The following SNX6 variants were observed in gnomAD, a reference collection of about 807,000 sequenced individuals.
The protein encoded by SNX6 is sorting nexin-6.
Under a neutral mutation model 63.0 loss-of-function variants are expected in SNX6, and 34 were observed. The ratio of observed to expected loss-of-function variants is 0.54; its 90% confidence interval spans 0.41 to 0.72. SNX6 has a LOEUF of 0.72. Ranked by LOEUF, SNX6 falls within the 30% of genes least tolerant of loss-of-function variation. The probability of loss-of-function intolerance (pLI) is 0.00; values close to 1 mark genes in which losing one functional copy is unlikely to be tolerated. For missense variants in SNX6, 398 were observed against 471.4 expected (o/e 0.84, Z 1.44); for synonymous variants, 170 against 164.2 (o/e 1.04, Z -0.27).
At chr14:34,626,771 C>T (rs1883844729) in intron 2 of SNX6, among the ~76,000 whole-genome samples, 1 of 151,760 alleles carries the variant, frequency 6.6e-6, no homozygotes, top group East Asian at 1.9e-4. Flanking sequence ...AAATATTCAC[C>T]AAAAAATACT....
At chr14:34,578,937 C>CAAAAAAAA (rs71121210) in intron 10 of SNX6, among the ~76,000 whole-genome samples, 230 of 22,560 alleles carry the variant, frequency 0.01, 30 homozygotes, top group East Asian at 0.033. Context: ...GACTTCATCT[C>CAAAAAAAA]AAAAAAAAAA....
intron 13 of SNX6, 87 bp downstream of exon 13, chr14:34,567,599 C>A (rs899579684): frequency 9.9e-7 from 1 of 1,015,018 alleles, no homozygotes; most frequent in Non-Finnish European, 1.5e-6. Flanking sequence ...CCTATGAGAA[C>A]TGACATTAAA....
At chr14:34,581,246 C>T (rs1426921331) in intron 10 of SNX6, among the ~76,000 whole-genome samples, 1 of 152,120 alleles carries the variant, frequency 6.6e-6, no homozygotes, top group African/African-American at 2.4e-5. Flanking sequence ...GTTGGCCTCC[C>T]GGGTTCAAGC....
chr14:34,613,729 C>G (rs1363038021), intron 2 of SNX6, among the ~76,000 whole-genome samples: 1 of 151,842 alleles, frequency 6.6e-6, no homozygotes, highest in African/African-American at 2.4e-5. Flanking sequence ...GGAGGCAGAG[C>G]TTGCAGTGAG....
In SNX6 at chr14:34,575,815, C is replaced by A; in HGVS notation, c.862G>T (p.Glu288Ter). The A allele has an allele frequency of 6.3e-7, 1 of 1,592,354 alleles. No homozygotes were observed. The highest frequency in any genetic ancestry group is 1.2e-5 in the South Asian group (1 of 86,824). The change falls in exon 11 of 14, where the codon GAA becomes TAA. Residue 288 changes from glutamate (E) to a stop codon, truncating the protein, a stop_gained. Transcript: ENST00000362031. LOFTEE classifies it high-confidence loss of function. ...AAAAGATCAGAAAGTTTGAGGTCTT[C>A]ATCAGCAGACACTCGTGCTTCTATT... ...RKIEARVSAD[E>*]DLKLSDLLKY...
At chr14:34,597,415 C>T in intron 7 of SNX6, 135 bp downstream of exon 7, 3 of 615,282 alleles carry the variant, frequency 4.9e-6, no homozygotes, top group Non-Finnish European at 8.6e-6. Flanking sequence ...CAGGAGGATT[C>T]CTCCTGTTCC....
intron 10 of SNX6, among the ~76,000 whole-genome samples, chr14:34,578,765 C>T (rs1393396602): frequency 6.7e-6 from 1 of 149,970 alleles, no homozygotes; most frequent in African/African-American, 2.4e-5. Context: ...ATGGTGAAAC[C>T]CCATCTCTAC....
intron 2 of SNX6, among the ~76,000 whole-genome samples, chr14:34,610,656 T>C (rs1488283988): frequency 2.6e-5 from 4 of 152,176 alleles, no homozygotes; most frequent in Non-Finnish European, 5.9e-5. Context: ...ATATTTCCTA[T>C]TTAGTGCTTC....
chr14:34,609,435 C>A (rs1030498794), intron 3 of SNX6, among the ~76,000 whole-genome samples: 2 of 131,842 alleles, frequency 1.5e-5, no homozygotes, highest in African/African-American at 5.5e-5. Flanking sequence ...GAGCCGAGAT[C>A]GTGCCACTGC....
chr14:34,582,686 C>T (rs1881991510), intron 9 of SNX6, among the ~76,000 whole-genome samples: 1 of 152,054 alleles, frequency 6.6e-6, no homozygotes, highest in Non-Finnish European at 1.5e-5. Context: ...GCTGGCATTA[C>T]AGGTGCTCAC....
intron 2 of SNX6, among the ~76,000 whole-genome samples, chr14:34,624,302 T>A (rs1883740635): frequency 6.6e-6 from 1 of 152,060 alleles, no homozygotes; most frequent in African/African-American, 2.4e-5. Context: ...GGTTTCACCA[T>A]GTGGGCCAGG....
intron 11 of SNX6, chr14:34,569,058 C>G: frequency 7.8e-7 from 1 of 1,275,230 alleles, no homozygotes; most frequent in Non-Finnish European, 1.1e-6. Context: ...GCTTCCCAGA[C>G]TTTCTGAGGA....
intron 11 of SNX6, 62 bp from the exon 12 acceptor site, chr14:34,568,075 C>A: frequency 7.2e-7 from 1 of 1,393,046 alleles, no homozygotes; most frequent in Non-Finnish European, 9.9e-7. Flanking sequence ...TCACACCCAG[C>A]CACCACTGTC....
intron 8 of SNX6, among the ~76,000 whole-genome samples, chr14:34,589,042 G>A (rs966065907): frequency 2.0e-5 from 3 of 152,086 alleles, no homozygotes; most frequent in Admixed American, 1.3e-4. Context: ...GCTGAGGCAC[G>A]AGGATTGCCT....
At chr14:34,574,134 G>A (rs1370775723) in intron 11 of SNX6, among the ~76,000 whole-genome samples, 3 of 150,406 alleles carry the variant, frequency 2.0e-5, no homozygotes, top group African/African-American at 4.9e-5. Flanking sequence ...TCAGGAGTTC[G>A]AGACCAGCCT....
chr14:34,563,329 C>T (rs1373498697), intron 13 of SNX6, among the ~76,000 whole-genome samples, 154 bp from the exon 14 acceptor site: 3 of 152,070 alleles, frequency 2.0e-5, no homozygotes, highest in East Asian at 1.9e-4. Context: ...GAGGCCGAGG[C>T]GGGTGGATCA....
chr14:34,594,289 A>C (rs1882514123), intron 7 of SNX6, among the ~76,000 whole-genome samples: 2 of 150,034 alleles, frequency 1.3e-5, no homozygotes, highest in African/African-American at 2.5e-5. Flanking sequence ...CAACAATGTG[A>C]TTAACCACTG....
chr14:34,568,012 T>C lies in SNX6; in HGVS notation c.923A>G (p.Asp308Gly). Residue 308 changes from aspartate to glycine, a missense_variant and splice_region_variant, in exon 12 of 14, where the codon GAT becomes GGT. Coordinates refer to ENST00000362031, the MANE Select transcript of SNX6 (RefSeq NM_152233.4). ...TGACCTAGACCTTCGATACAGGAGA[T>C]CCTATAAAACAGAATGCTTCACAAT... ...YYLRESQAAK[D>G]LLYRRSRSLV... 6.2e-7 allele frequency: 1 copy of C among 1,610,676 alleles called. No individual in the cohort carries two copies. Among genetic ancestry groups the C allele is most frequent in the South Asian group, 1.1e-5 (1 of 90,910 alleles).
chr14:34,613,615 AC>A (rs1219603469), intron 2 of SNX6, among the ~76,000 whole-genome samples: 1 of 151,682 alleles, frequency 6.6e-6, no homozygotes, highest in Non-Finnish European at 1.5e-5. Flanking sequence ...ACACAGTGAA[AC>A]CCCGTCTCTA....
Sources: gnomAD v4.1 joint callset for allele counts (sites outside exome capture counted in the v4.1 genomes callset) on GRCh38, gnomAD v4.1.1 for gene constraint, MANE v1.5 for transcripts, NCBI Gene and HGNC (gene_info 2026-07-23, HGNC 2026-07-21) for gene names.